The following ZMAT4 variants were observed in gnomAD, a reference collection of about 807,000 sequenced individuals.
ZMAT4 encodes zinc finger matrin-type 4, also known as zinc finger matrin-type protein 4.
In ZMAT4, 17 loss-of-function variants were observed where a neutral mutation model predicts 28.7. The observed-to-expected ratio is 0.59, with a 90% CI of 0.41 to 0.89. The LOEUF (loss-of-function observed/expected upper bound fraction) is 0.89. Among genes scored for constraint, ZMAT4 ranks in the 40% least tolerant of loss-of-function variants. ZMAT4 has a pLI of 0.00. For missense variants in ZMAT4, 240 were observed against 283.8 expected (o/e 0.85, Z 1.11); for synonymous variants, 117 against 109.2 (o/e 1.07, Z -0.44).
chr8:40,649,206 C>T (rs1807508091), intron 5 of ZMAT4, among the ~76,000 whole-genome samples: 1 of 152,018 alleles, frequency 6.6e-6, no homozygotes, highest in Non-Finnish European at 1.5e-5. Context: ...CACACATAGA[C>T]TCAAAATAAA....
intron 3 of ZMAT4, among the ~76,000 whole-genome samples, chr8:40,760,867 C>G (rs151234883): frequency 6.6e-6 from 1 of 152,062 alleles, no homozygotes; most frequent in African/African-American, 2.4e-5. Context: ...GCTTGGCCAA[C>G]GTAGAATTGA....
intron 1 of ZMAT4, among the ~76,000 whole-genome samples, chr8:40,858,069 G>A (rs79036566): frequency 0.022 from 3,310 of 152,240 alleles, 92 homozygotes; most frequent in Admixed American, 0.085. Context: ...TGGGTGGAGG[G>A]AATACAAGGT....
At chr8:40,847,902 C>T (rs1816966406) in intron 1 of ZMAT4, among the ~76,000 whole-genome samples, 1 of 152,190 alleles carries the variant, frequency 6.6e-6, no homozygotes, top group Admixed American at 6.5e-5. Context: ...CCAGAGAGTG[C>T]TAACCTACCC....
intron 6 of ZMAT4, among the ~76,000 whole-genome samples, chr8:40,535,073 A>G (rs894158858): frequency 6.6e-6 from 1 of 152,090 alleles, no homozygotes; most frequent in African/African-American, 2.4e-5. Flanking sequence ...AATGTTGGGC[A>G]ATTTGGAATG....
At chr8:40,720,447 A>G (rs935157876) in intron 3 of ZMAT4, among the ~76,000 whole-genome samples, 3 of 152,122 alleles carry the variant, frequency 2.0e-5, no homozygotes, top group Non-Finnish European at 2.9e-5. Context: ...TTACAGGACA[A>G]GGCAGACAGG....
chr8:40,596,564 C>T (rs1805111690), intron 5 of ZMAT4, among the ~76,000 whole-genome samples: 2 of 152,130 alleles, frequency 1.3e-5, no homozygotes, highest in African/African-American at 4.8e-5. Context: ...TACATGAGGT[C>T]AGGATCATCA....
intron 1 of ZMAT4, among the ~76,000 whole-genome samples, chr8:40,838,190 C>T (rs972645623): frequency 2.6e-5 from 4 of 152,204 alleles, no homozygotes; most frequent in Non-Finnish European, 4.4e-5. Flanking sequence ...CCCTCAAATC[C>T]GTTCTTCACG....
chr8:40,545,168 A>G (rs1803161496), intron 6 of ZMAT4, among the ~76,000 whole-genome samples: 2 of 152,060 alleles, frequency 1.3e-5, no homozygotes, highest in African/African-American at 4.8e-5. Context: ...GATTTTTTCA[A>G]GCAACTGCGC....
At chr8:40,754,896 T>G (rs1328159177) in intron 3 of ZMAT4, among the ~76,000 whole-genome samples, 1 of 152,170 alleles carries the variant, frequency 6.6e-6, no homozygotes, top group African/African-American at 2.4e-5. Flanking sequence ...CCGTGATGCA[T>G]GCCTGTGGTC....
intron 5 of ZMAT4, among the ~76,000 whole-genome samples, chr8:40,659,380 G>A (rs1011496328): frequency 2.6e-4 from 40 of 152,034 alleles, no homozygotes; most frequent in African/African-American, 9.7e-4. Context: ...ATGTTGTTTT[G>A]CTTAGGGCCA....
intron 2 of ZMAT4, among the ~76,000 whole-genome samples, chr8:40,794,877 G>A (rs981454665): frequency 3.3e-5 from 5 of 151,846 alleles, no homozygotes; most frequent in Admixed American, 2.6e-4. Flanking sequence ...GGGCTTACAG[G>A]TGGCGGGGGA....
At chr8:40,681,735 T>A (rs1158977745) in intron 4 of ZMAT4, among the ~76,000 whole-genome samples, 1 of 152,214 alleles carries the variant, frequency 6.6e-6, no homozygotes, top group Non-Finnish European at 1.5e-5. Flanking sequence ...AATTTTCATG[T>A]TTTGATAAAT....
At chr8:40,582,526 G>A (rs1804525696) in intron 5 of ZMAT4, among the ~76,000 whole-genome samples, 1 of 152,202 alleles carries the variant, frequency 6.6e-6, no homozygotes, top group East Asian at 1.9e-4. Context: ...ACAATGTTTA[G>A]CAAATGAGTA....
At chr8:40,788,969 A>AAGGGAGGG (rs549808170) in intron 2 of ZMAT4, among the ~76,000 whole-genome samples, 2 of 136,386 alleles carry the variant, frequency 1.5e-5, no homozygotes, top group Non-Finnish European at 3.1e-5. Context: ...GAGAGAGAGG[A>AAGGGAGGG]AGGGAGGGAG....
chr8:40,809,588 A>G (rs956349214), intron 2 of ZMAT4, among the ~76,000 whole-genome samples: 1 of 152,254 alleles, frequency 6.6e-6, no homozygotes, highest in Non-Finnish European at 1.5e-5. Flanking sequence ...AATGGAAAGA[A>G]AAAACATAGT....
At chr8:40,571,932 G>A (rs1804112232) in intron 6 of ZMAT4, among the ~76,000 whole-genome samples, 2 of 152,152 alleles carry the variant, frequency 1.3e-5, no homozygotes, top group South Asian at 2.1e-4. Context: ...AGGTTTCTTG[G>A]TTATTGGGTT....
intron 4 of ZMAT4, among the ~76,000 whole-genome samples, chr8:40,692,589 G>C (rs575020661): frequency 6.6e-6 from 1 of 152,280 alleles, no homozygotes; most frequent in Non-Finnish European, 1.5e-5. Flanking sequence ...TCAATTGCAA[G>C]TCTGGGGCAG....
chr8:40,701,982 C>T (rs182620413), intron 3 of ZMAT4, among the ~76,000 whole-genome samples: 2 of 152,264 alleles, frequency 1.3e-5, no homozygotes, highest in East Asian at 3.9e-4. Flanking sequence ...GCTGAGCCCC[C>T]ATGAATGGAT....
At chr8:40,790,091 C>A (rs1465174197) in intron 2 of ZMAT4, among the ~76,000 whole-genome samples, 3 of 152,148 alleles carry the variant, frequency 2.0e-5, no homozygotes, top group Non-Finnish European at 4.4e-5. Context: ...CCCTGCCTGC[C>A]TTTGAGTCTC....
Sources: allele counts gnomAD v4.1 joint callset (sites outside exome capture counted in the v4.1 genomes callset), GRCh38; gene constraint gnomAD v4.1.1; transcripts MANE v1.5; gene names NCBI Gene and HGNC (gene_info 2026-07-23, HGNC 2026-07-21).